Variants in HLA-DPA1 observed in about 807,000 individuals in gnomAD.
HLA-DPA1 encodes the protein major histocompatibility complex, class II, DP alpha 1, also known as HLA class II histocompatibility antigen, DP alpha 1 chain.
In HLA-DPA1, 20 loss-of-function variants were observed where a neutral mutation model predicts 21.5. That is an observed-to-expected ratio of 0.93 (90% confidence interval 0.66 to 1.35). The LOEUF is 1.35. Among genes scored for constraint, HLA-DPA1 ranks in the 40% most tolerant of loss-of-function variants. HLA-DPA1 has a pLI of 0.00. For synonymous variants in HLA-DPA1, 123 were observed against 129.6 expected (o/e 0.95, Z 0.35); for missense variants, 279 against 323.0 (o/e 0.86, Z 1.05).
Position 33,071,167 on chromosome 6 carries a change from T to C in HLA-DPA1, c.101-1281A>G, listed in dbSNP as rs139252321. 3.6e-3 allele frequency among the ~76,000 whole-genome samples: 539 copies of C among 150,584 alleles called. 2 individuals are homozygous for C. Among genetic ancestry groups the C allele is most frequent in the East Asian group, 0.026 (133 of 5,026 alleles). On this transcript the variant is annotated intron_variant, in intron 2 of 5. Coordinates refer to ENST00000419277, the Ensembl canonical transcript of HLA-DPA1. ...CTTACAGTGACAGGAGAATGACTCC[T>C]TGCCACTGTAATTGTAAGTGTCTAG...
chr6:33,072,675 C>A (rs1019616859), intron 2 of HLA-DPA1, among the ~76,000 whole-genome samples: 2 of 152,286 alleles, frequency 1.3e-5, no homozygotes, highest in Non-Finnish European at 2.9e-5. Flanking sequence ...TTCCCCATCA[C>A]TAGATTTTGG....
chr6:33,074,183 T>C (rs1425451297), intron 1 of HLA-DPA1, among the ~76,000 whole-genome samples: 3 of 152,248 alleles, frequency 2.0e-5, no homozygotes, highest in African/African-American at 4.8e-5. Flanking sequence ...ATGAAGTTGA[T>C]CTTTAATTGT....
chr6:33,074,514 A>G (rs9380340), intron 1 of HLA-DPA1, among the ~76,000 whole-genome samples: 12,234 of 152,132 alleles, frequency 0.08, 1,361 homozygotes, highest in East Asian at 0.54. Flanking sequence ...AAATATTTCA[A>G]TTTTGAGCTA....
At position 33,080,708 on chromosome 6, in the gene HLA-DPA1, C is replaced by A; in HGVS notation, c.-128G>T. The A allele has an allele frequency of 2.5e-6, 4 of 1,613,280 alleles. No homozygotes were observed. The South Asian group carries it at 4.4e-5, about 18-fold the overall frequency. On this transcript the variant is annotated 5_prime_UTR_variant, in exon 1 of 6. Transcript: ENST00000419277. This position sits in a 1 kb window ranked among gnomAD's most constrained non-coding sequence, Gnocchi z 4.3. ...TTCCAGGGACGGCAGGAATGCTACG[C>A]GTTTAATGGGACACAGCGCTTCCTG...
chr6:33,078,368 T>G (rs1188424258), intron 1 of HLA-DPA1, among the ~76,000 whole-genome samples: 1 of 152,056 alleles, frequency 6.6e-6, no homozygotes, highest in Non-Finnish European at 1.5e-5. Flanking sequence ...GATTCCACAA[T>G]TCCCTGCATG....
chr6:33,078,550 G>T (rs1228508230), intron 1 of HLA-DPA1, among the ~76,000 whole-genome samples: 1 of 152,132 alleles, frequency 6.6e-6, no homozygotes. Context: ...AATTCATTCA[G>T]ATCAGTGGTT....
At position 33,071,097 on chromosome 6, in the gene HLA-DPA1, G is replaced by A. The variant is rs141460777; in HGVS notation, c.101-1211C>T. On this transcript the variant is annotated intron_variant, in intron 2 of 5. Transcript: ENST00000419277. Reference sequence around the variant, plus strand: ...CCTCCCAACTCACAGATTTCCCTGTGAGTTTTCAGCCCTGACATGTGGGGA... The same window carrying A: ...CCTCCCAACTCACAGATTTCCCTGTAAGTTTTCAGCCCTGACATGTGGGGA... Among the ~76,000 whole-genome samples the A allele has an allele frequency of 3.6e-3, 541 of 150,432 alleles. 2 individuals are homozygous for A. The highest frequency in any genetic ancestry group is 0.026 in the East Asian group (133 of 5,022).
At chr6:33,076,210 A>C in intron 1 of HLA-DPA1, 2 of 1,082,710 alleles carry the variant, frequency 1.8e-6, no homozygotes, top group Non-Finnish European at 2.7e-6. Context: ...GTTATCTTTA[A>C]GGGATCAAAT....
Position 33,070,297 on chromosome 6 carries a change from T to C in HLA-DPA1, c.101-411A>G, listed in dbSNP as rs568695578. 1.6e-4 allele frequency among the ~76,000 whole-genome samples: 24 copies of C among 152,308 alleles called. 1 individual carries two copies. Among genetic ancestry groups the C allele is most frequent in the African/African-American group, 5.1e-4 (21 of 41,562 alleles). ...AACCCTATGAAGCAAATACATATCA[T>C]ACATTTTACAGGTAAGGAAATGCAG... On this transcript the variant is annotated intron_variant, in intron 2 of 5. Coordinates refer to ENST00000419277, the Ensembl canonical transcript of HLA-DPA1.
At chr6:33,067,907 G>A (rs993367396) in intron 5 of HLA-DPA1, 1 of 152,162 alleles carries the variant, frequency 6.6e-6, no homozygotes, top group Non-Finnish European at 1.5e-5. Context: ...AATGAACTGA[G>A]AAGTTCTTAA....
rs570647134 is a variant in HLA-DPA1, at chr6:33,076,549, A to G, written c.-99-2880T>C. On this transcript the variant is annotated intron_variant, in intron 1 of 5. Coordinates refer to ENST00000419277, the Ensembl canonical transcript of HLA-DPA1. ...CTGGAGTGTCCAGGCTCTGAGGATC[A>G]CTGAGGATTCAGTGCTCACGAAGAA... 2.6e-5 allele frequency among the ~76,000 whole-genome samples: 4 copies of G among 152,298 alleles called. No homozygotes were observed. In the East Asian group the frequency reaches 7.7e-4, roughly 29 times the overall value.
At chr6:33,072,615 A>T (rs550738372) in intron 2 of HLA-DPA1, among the ~76,000 whole-genome samples, 27 of 152,316 alleles carry the variant, frequency 1.8e-4, no homozygotes, top group African/African-American at 6.0e-4. Flanking sequence ...CACATCTTAA[A>T]TAAAACTGTC....
At chr6:33,079,876 GT>G in intron 1 of HLA-DPA1, 1 of 292,412 alleles carries the variant, frequency 3.4e-6, no homozygotes, top group East Asian at 9.7e-5. Context: ...TCATGTCCAC[GT>G]TTTGTGTGTA....
intron 1 of HLA-DPA1, chr6:33,079,780 GTCA>G: frequency 2.1e-6 from 1 of 482,192 alleles, no homozygotes; most frequent in Non-Finnish European, 4.1e-6. Context: ...GAACTGCAAA[GTCA>G]TCATGGAAAG....
intron 1 of HLA-DPA1, chr6:33,079,792 A>G: frequency 2.1e-6 from 1 of 471,768 alleles, no homozygotes; most frequent in Non-Finnish European, 4.2e-6. Context: ...CATCATGGAA[A>G]GAGTCACCCA....
At chr6:33,069,579 C>A in intron 3 of HLA-DPA1, 62 bp downstream of exon 2, 3 of 1,590,240 alleles carry the variant, frequency 1.9e-6, no homozygotes, top group African/African-American at 1.4e-5. Context: ...CTGAGGGTGG[C>A]AGAGAGGCCC....
At chr6:33,068,957 G>T in intron 4 of HLA-DPA1, 62 bp downstream of exon 3, 1 of 1,570,374 alleles carries the variant, frequency 6.4e-7, no homozygotes, top group Non-Finnish European at 8.7e-7. Context: ...CTGGTGCAGA[G>T]GACACCAGGT....
At chr6:33,077,827 G>A (rs1436325072) in intron 1 of HLA-DPA1, among the ~76,000 whole-genome samples, 1 of 152,126 alleles carries the variant, frequency 6.6e-6, no homozygotes, top group Non-Finnish European at 1.5e-5. Flanking sequence ...GGGTAGCAAG[G>A]TTGGAATCTC....
At chr6:33,074,956 T>G (rs1161739528) in intron 1 of HLA-DPA1, among the ~76,000 whole-genome samples, 1 of 152,258 alleles carries the variant, frequency 6.6e-6, no homozygotes, top group Non-Finnish European at 1.5e-5. Flanking sequence ...GCCTTCTATT[T>G]ACATTTTAAT....
Sources: allele counts gnomAD v4.1 joint callset (sites outside exome capture counted in the v4.1 genomes callset), GRCh38; gene constraint gnomAD v4.1.1; non-coding constraint Gnocchi (gnomAD v3.1); transcripts MANE v1.5; gene names NCBI Gene and HGNC (gene_info 2026-07-23, HGNC 2026-07-21).